The following RGS5 variants were observed in gnomAD, a reference collection of about 807,000 sequenced individuals.
RGS5 encodes regulator of G-protein signalling 5.
RGS5 carries 20 observed loss-of-function variants against 18.9 expected under a neutral mutation model. The observed-to-expected ratio is 1.06, with a 90% CI of 0.74 to 1.54. The LOEUF is 1.54. Among genes scored for constraint, RGS5 ranks in the 40% most tolerant of loss-of-function variants. The pLI, the probability that RGS5 is intolerant of heterozygous loss-of-function variation, is 0.00. For synonymous variants in RGS5, 57 were observed against 76.2 expected (o/e 0.75, Z 1.31); for missense variants, 201 against 211.8 (o/e 0.95, Z 0.32).
intron 2 of RGS5, among the ~76,000 whole-genome samples, chr1:163,248,026 C>T (rs1448148568): frequency 6.6e-6 from 1 of 152,194 alleles, no homozygotes; most frequent in Non-Finnish European, 1.5e-5. Context: ...CAAAGGGTAT[C>T]TCATAAATAT....
chr1:163,301,638 T>G (rs1649554211), intron 2 of RGS5, among the ~76,000 whole-genome samples: 1 of 152,166 alleles, frequency 6.6e-6, no homozygotes, highest in African/African-American at 2.4e-5. Context: ...AGGCCCAGAA[T>G]GAGTCTTTAT....
At chr1:163,194,291 T>C (rs1201275178) in intron 1 of RGS5, among the ~76,000 whole-genome samples, 2 of 152,124 alleles carry the variant, frequency 1.3e-5, no homozygotes, top group Non-Finnish European at 2.9e-5. Flanking sequence ...GGGAAGAAAA[T>C]TGCACATATG....
intron 1 of RGS5, chr1:163,212,902 T>C (rs1660137130): frequency 6.6e-6 from 1 of 152,214 alleles, no homozygotes; most frequent in Non-Finnish European, 1.5e-5. Context: ...TATATCCATA[T>C]CACTGGCCCT....
chr1:163,243,463 C>T (rs567257272), intron 2 of RGS5, among the ~76,000 whole-genome samples: 3 of 151,926 alleles, frequency 2.0e-5, no homozygotes, highest in African/African-American at 7.2e-5. Context: ...CTGGCTAACA[C>T]AGTGAAACCC....
Position 163,147,434 on chromosome 1 carries a change from C to T in RGS5, c.454G>A (p.Asp152Asn). ...NLVEPSLSSF[D>N]MAQKRIHALM... Reference sequence around the variant, plus strand: ...GCATGGATTCTTTTCTGGGCCATGTCAAAGCTGCTCAGGGAAGGTTCCACC... The same window carrying T: ...GCATGGATTCTTTTCTGGGCCATGTTAAAGCTGCTCAGGGAAGGTTCCACC... The change falls in exon 5 of 5, where the codon GAC (aspartate) becomes AAC (asparagine). Residue 152 changes from aspartate to asparagine, a missense_variant. Coordinates refer to ENST00000313961, the MANE Select transcript of RGS5 (RefSeq NM_003617.4). 2 of 1,613,024 alleles carry T rather than the reference C, an allele frequency of 1.2e-6. No homozygotes were observed. The highest frequency in any genetic ancestry group is 1.7e-6 in the Non-Finnish European group (2 of 1,179,424).
rs1036153790 is a variant in RGS5 at position 163,146,838 on chromosome 1, T to C, written c.*504A>G. ...CATATTTGCTTAAAATATCATACAG[T>C]GGCTGCTTCATAAAAATCTTATAAA... On this transcript the variant is annotated 3_prime_UTR_variant, in exon 5 of 5. Coordinates refer to ENST00000313961, the MANE Select transcript of RGS5 (RefSeq NM_003617.4). The C allele has an allele frequency of 6.6e-5, 10 of 152,202 alleles. No individual in the cohort carries two copies. Among genetic ancestry groups the C allele is most frequent in the Admixed American group, 2.0e-4 (3 of 15,288 alleles). The allele number at this position is 152,202 out of a possible 1,614,324, so 9.4% of individuals were successfully genotyped here.
chr1:163,291,463 G>C (rs1161200905), intron 2 of RGS5, among the ~76,000 whole-genome samples: 7 of 152,158 alleles, frequency 4.6e-5, no homozygotes, highest in African/African-American at 1.4e-4. Flanking sequence ...GCTAGGAAGG[G>C]AGAGGAGCCA....
intron 1 of RGS5, among the ~76,000 whole-genome samples, chr1:163,310,802 A>T (rs1228615474): frequency 6.6e-6 from 1 of 152,164 alleles, no homozygotes; most frequent in Non-Finnish European, 1.5e-5. Context: ...GTAATTTATA[A>T]AGAAAGAGGT....
chr1:163,255,787 G>C (rs1249179130), intron 2 of RGS5, among the ~76,000 whole-genome samples: 1 of 151,542 alleles, frequency 6.6e-6, no homozygotes, highest in Non-Finnish European at 1.5e-5. Context: ...TTCATCCCTG[G>C]GATGCAAGGC....
At chr1:163,247,199 G>C (rs908926399) in intron 2 of RGS5, among the ~76,000 whole-genome samples, 1 of 152,152 alleles carries the variant, frequency 6.6e-6, no homozygotes, top group Non-Finnish European at 1.5e-5. Flanking sequence ...ATTTATCCAC[G>C]TAACAAATCT....
chr1:163,182,485 C>T (rs540038499), intron 1 of RGS5, among the ~76,000 whole-genome samples: 1 of 152,302 alleles, frequency 6.6e-6, no homozygotes, highest in South Asian at 2.1e-4. Flanking sequence ...TGAGATATTT[C>T]CCATGCTTTT....
chr1:163,173,698 A>G (rs1392905258), intron 1 of RGS5, among the ~76,000 whole-genome samples: 1 of 152,240 alleles, frequency 6.6e-6, no homozygotes, highest in Admixed American at 6.5e-5. Context: ...AGACACTTGG[A>G]ACAATTGAAT....
At chr1:163,240,375 C>G (rs115340403) in intron 2 of RGS5, among the ~76,000 whole-genome samples, 2,203 of 151,388 alleles carry the variant, frequency 0.015, 63 homozygotes, top group African/African-American at 0.05. Flanking sequence ...AATGTATACT[C>G]TATGGTTTCA....
intron 2 of RGS5, chr1:163,238,881 T>G (rs1053475348): frequency 5.9e-6 from 1 of 169,692 alleles, no homozygotes; most frequent in African/African-American, 2.4e-5. Flanking sequence ...GGTCGAAGAC[T>G]GCACAAAAAA....
At chr1:163,291,673 C>G (rs1456648387) in intron 2 of RGS5, among the ~76,000 whole-genome samples, 1 of 152,106 alleles carries the variant, frequency 6.6e-6, no homozygotes, top group African/African-American at 2.4e-5. Flanking sequence ...TCCTGTGGCC[C>G]CACCCAGAAG....
chr1:163,316,799 C>A (rs968923043), intron 1 of RGS5, among the ~76,000 whole-genome samples: 1 of 152,062 alleles, frequency 6.6e-6, no homozygotes, highest in East Asian at 1.9e-4. Flanking sequence ...AAGAAAATTT[C>A]TTTTTCACTC....
At chr1:163,242,309 A>C (rs1271511613) in intron 2 of RGS5, among the ~76,000 whole-genome samples, 1 of 152,206 alleles carries the variant, frequency 6.6e-6, no homozygotes, top group Non-Finnish European at 1.5e-5. Context: ...TAGTTATAAA[A>C]ATAAATAACA....
chr1:163,294,942 C>T (rs77608418), intron 2 of RGS5, among the ~76,000 whole-genome samples: 2 of 152,308 alleles, frequency 1.3e-5, no homozygotes, highest in East Asian at 1.9e-4. Flanking sequence ...AGACTCTTTG[C>T]TAAAGCATAG....
intron 2 of RGS5, among the ~76,000 whole-genome samples, chr1:163,234,713 CA>C (rs1280197038): frequency 6.6e-5 from 10 of 152,134 alleles, no homozygotes; most frequent in Non-Finnish European, 1.0e-4. Flanking sequence ...ATAAAACACA[CA>C]AAAACTTAGT....
Sources: gnomAD v4.1 joint callset for allele counts (sites outside exome capture counted in the v4.1 genomes callset) on GRCh38, gnomAD v4.1.1 for gene constraint, MANE v1.5 for transcripts, NCBI Gene and HGNC (gene_info 2026-07-23, HGNC 2026-07-21) for gene names.